Variants in SNAPC4 observed in about 807,000 individuals in gnomAD.
The protein encoded by SNAPC4 is snRNA-activating protein complex subunit 4.
In SNAPC4, 127 loss-of-function variants were observed where a neutral mutation model predicts 151.3. That is an observed-to-expected ratio of 0.84 (90% CI 0.73 to 0.97). The LOEUF (loss-of-function observed/expected upper bound fraction) is 0.97, where lower values mean the gene tolerates loss of function less well. SNAPC4 is among the 50% of genes least tolerant of loss of function. SNAPC4 has a pLI of 0.00. For missense variants in SNAPC4, 2,186 were observed against 1,935.0 expected, an observed-to-expected ratio of 1.13 and a Z score of -2.43; for synonymous variants, 1,002 against 824.4, an observed-to-expected ratio of 1.22 and a Z score of -3.69.
Position 136,379,057 on chromosome 9 carries a change from A to G in SNAPC4, c.2770T>C (p.Ser924Pro). 1 of 1,588,244 alleles carries G rather than the reference A, an allele frequency of 6.3e-7. No individual in the cohort carries two copies. The highest frequency in any genetic ancestry group is 8.6e-7 in the Non-Finnish European group (1 of 1,167,966). Reference protein sequence around the residue: ...PVVLPSQLLVSSSVILQPPLP... With the variant: ...PVVLPSQLLVPSSVILQPPLP... ...GGGGGCTGGAGGATCACAGACGAGG[A>G]GACCAGCAGCTGGGACGGGAGCACC... Residue 924 changes from serine to proline, a missense_variant, in exon 22 of 24, where the codon TCC becomes CCC. Physicochemically the swap from Ser to Pro is moderately conservative, Grantham distance 74 (BLOSUM62 -1). Coordinates refer to ENST00000684778, the MANE Select transcript of SNAPC4 (RefSeq NM_003086.4).
In SNAPC4 at chr9:136,395,432, G is replaced by A; in HGVS notation, c.346-9C>T. On this transcript the variant is annotated splice_polypyrimidine_tract_variant and intron_variant, in intron 4 of 23. Coordinates refer to ENST00000684778, the MANE Select transcript of SNAPC4 (RefSeq NM_003086.4). ...TCCCTCATGAGTTCCTCCTGTGACAGACACAAGGCAGGGACCCCTCTATGG... is the reference window on the plus strand; with the variant it reads ...TCCCTCATGAGTTCCTCCTGTGACAAACACAAGGCAGGGACCCCTCTATGG... 1 of 1,611,670 alleles carries A rather than the reference G, an allele frequency of 6.2e-7. No individual in the cohort carries two copies. Among genetic ancestry groups the A allele is most frequent in the Non-Finnish European group, 8.5e-7 (1 of 1,178,998 alleles).
At chr9:136,386,146 C>CTTTTTT (rs34717778) in intron 13 of SNAPC4, among the ~76,000 whole-genome samples, 1 of 145,338 alleles carries the variant, frequency 6.9e-6, no homozygotes. Flanking sequence ...AACACGGTGA[C>CTTTTTT]TTTTTTTTTT....
At position 136,377,680 on chromosome 9, in the gene SNAPC4, GGGCCAGGGT is replaced by G. The variant is rs756902384; in HGVS notation, c.4138_4146del (p.Thr1380_Ala1382del). On this transcript the variant is annotated inframe_deletion, in exon 22 of 24. Coordinates refer to ENST00000684778, the MANE Select transcript of SNAPC4 (RefSeq NM_003086.4). The stretch of plus-strand genomic sequence containing the variant: ...GAGAGGGTGGTGCGGACGCCTTGGG[GGGCCAGGGT>G]GGCCAGGAGCGCAGGGAGGGTGAAG... The G allele has an allele frequency of 7.5e-6, 12 of 1,607,790 alleles. No homozygotes were observed. The highest frequency in any genetic ancestry group is 3.4e-5 in the Admixed American group (2 of 59,694).
rs1449352822 is a variant in SNAPC4, at chr9:136,378,383, G to C, written c.3444C>G (p.Cys1148Trp). 2 of 1,610,828 alleles carry C rather than the reference G, an allele frequency of 1.2e-6. No homozygotes were observed. Among genetic ancestry groups the C allele is most frequent in the Non-Finnish European group, 1.7e-6 (2 of 1,179,568 alleles). Reference sequence around the variant, plus strand: ...TGGGAGGAGCTGGGGTGTCTGTCCTGCAGGAAGGCTCCGGTTCCCTGTTCA... The same window carrying C: ...TGGGAGGAGCTGGGGTGTCTGTCCTCCAGGAAGGCTCCGGTTCCCTGTTCA... The part of the protein sequence containing the change: ...ANMNREPEPS[C>W]RTDTPAPPTH... The change falls in exon 22 of 24, where the codon TGC (cysteine) becomes TGG (tryptophan). Residue 1148 changes from cysteine (C) to tryptophan (W), a missense_variant. Cys to Trp is a radical substitution (Grantham distance 215, BLOSUM62 -2). Transcript: ENST00000684778.
rs1229320014 is a variant in SNAPC4 at position 136,394,781 on chromosome 9, G to A, written c.550+19C>T. 3 of 1,611,884 alleles carry A rather than the reference G, an allele frequency of 1.9e-6. No individual in the cohort carries two copies. The highest frequency in any genetic ancestry group is 2.2e-5 in the South Asian group (2 of 91,022). ...TGTCCCAAGCTCAGGGGTGCCGCAG[G>A]GCCGGCCAGGGCTCTTACATTTGGT... On this transcript the variant is annotated intron_variant, in intron 6 of 23. Coordinates refer to ENST00000684778, the MANE Select transcript of SNAPC4 (RefSeq NM_003086.4).
intron 5 of SNAPC4, 59 bp from the exon 6 acceptor site, chr9:136,394,937 GCACAT>G: frequency 6.8e-7 from 1 of 1,480,278 alleles, no homozygotes; most frequent in Non-Finnish European, 9.4e-7. Flanking sequence ...TGCAGGCCCA[GCACAT>G]CCCTCCAGAG....
At chr9:136,384,135 G>T in intron 14 of SNAPC4, 103 bp from the exon 15 acceptor site, 1 of 883,338 alleles carries the variant, frequency 1.1e-6, no homozygotes, top group Non-Finnish European at 1.8e-6. Context: ...TCAGAGTGGA[G>T]CCTCCTGTGC....
chr9:136,382,145 A>C (rs1758480670), intron 17 of SNAPC4, 72 bp from the exon 18 acceptor site: 1 of 1,568,590 alleles, frequency 6.4e-7, no homozygotes, highest in Non-Finnish European at 8.7e-7. Context: ...CCCAGTGGCC[A>C]GTGCTGCCCT....
intron 16 of SNAPC4, among the ~76,000 whole-genome samples, chr9:136,382,875 GGGA>G (rs1833749529): frequency 6.6e-6 from 1 of 152,174 alleles, no homozygotes; most frequent in Non-Finnish European, 1.5e-5. Flanking sequence ...CTCACGAGGA[GGGA>G]GGAGGGGCTC....
At position 136,378,923 on chromosome 9, in the gene SNAPC4, G is replaced by A; in HGVS notation, c.2904C>T (p.Ser968=). ...TGGCTGAAGTCCCAGCCTCCTGCCAGGAGCCAGAAGTGCCAGGTTTGGCTG... is the reference window on the plus strand; with the variant it reads ...TGGCTGAAGTCCCAGCCTCCTGCCAAGAGCCAGAAGTGCCAGGTTTGGCTG... ...PAAAKPGTSG[S]WQEAGTSAKD... Residue 968 remains serine, a synonymous_variant, in exon 22 of 24, where the codon TCC becomes TCT. Coordinates refer to ENST00000684778, the MANE Select transcript of SNAPC4 (RefSeq NM_003086.4). 6.2e-7 allele frequency: 1 copy of A among 1,610,990 alleles called. No individual in the cohort carries two copies. The highest frequency in any genetic ancestry group is 8.5e-7 in the Non-Finnish European group (1 of 1,179,494).
At chr9:136,391,103 G>A (rs915493139) in intron 10 of SNAPC4, among the ~76,000 whole-genome samples, 1 of 152,090 alleles carries the variant, frequency 6.6e-6, no homozygotes, top group African/African-American at 2.4e-5. Flanking sequence ...CAAAGTGCTG[G>A]GATTACAGGG....
At chr9:136,377,235 G>A (rs987500037) in intron 22 of SNAPC4, among the ~76,000 whole-genome samples, 5 of 152,196 alleles carry the variant, frequency 3.3e-5, no homozygotes, top group Admixed American at 1.3e-4. Context: ...CCGGGTCAGC[G>A]TCCATCCCAG....
At chr9:136,385,397 G>A (rs989210733) in intron 13 of SNAPC4, among the ~76,000 whole-genome samples, 3 of 152,164 alleles carry the variant, frequency 2.0e-5, no homozygotes, top group Non-Finnish European at 2.9e-5. Context: ...TAAACACAGC[G>A]TTACCCGGAC....
intron 2 of SNAPC4, among the ~76,000 whole-genome samples, chr9:136,397,533 G>A (rs912436955): frequency 1.6e-4 from 23 of 145,960 alleles, no homozygotes; most frequent in African/African-American, 5.7e-4. Context: ...GAGCATGGAG[G>A]AGAGCATGTG....
chr9:136,387,948 CA>C, intron 11 of SNAPC4, 100 bp from the exon 12 acceptor site: 1 of 745,168 alleles, frequency 1.3e-6, no homozygotes, highest in Middle Eastern at 2.3e-4. Flanking sequence ...CCGAGACACC[CA>C]CCCTCCAGAT....
At position 136,388,431 on chromosome 9, in the gene SNAPC4, G is replaced by A. The variant is rs1009381109; in HGVS notation, c.1123+13C>T. ...GTGACAGCCTGAGAGCCGTCGGGGT[G>A]GAGGGGCCTCACTTCTGCGGTAGGG... is the stretch of plus-strand genomic sequence containing the variant. On this transcript the variant is annotated intron_variant, in intron 11 of 23. Transcript: ENST00000684778. 2.5e-6 allele frequency: 4 copies of A among 1,610,458 alleles called. No individual in the cohort carries two copies. The African/African-American group carries it at 4.0e-5, about 16-fold the overall frequency.
chr9:136,395,700 G>A lies in SNAPC4; in HGVS notation c.248C>T (p.Pro83Leu). The change falls in exon 4 of 24, where the codon CCA becomes CTA. Residue 83 changes from proline (P) to leucine (L), a missense_variant. Pro to Leu is a moderately conservative substitution (Grantham distance 98). Transcript: ENST00000684778. The stretch of plus-strand genomic sequence containing the variant: ...CATGTTCAGCTGCAGGCAGGTTTCT[G>A]GGTCTTCAGGGAGGGTTTTATCCTT... ...DPKDKTLPED[P>L]ETCLQLNMVY... is the part of the protein sequence containing the mutation. 6.2e-7 allele frequency: 1 copy of A among 1,613,510 alleles called. No homozygotes were observed. The highest frequency in any genetic ancestry group is 8.5e-7 in the Non-Finnish European group (1 of 1,179,992).
intron 7 of SNAPC4, 125 bp downstream of exon 7, chr9:136,394,123 GC>G: frequency 1.3e-6 from 1 of 786,064 alleles, no homozygotes; most frequent in Non-Finnish European, 2.3e-6. Context: ...TCACCATGTT[GC>G]CCAGGCTGGG....
rs770049261 is a variant in SNAPC4 at position 136,378,707 on chromosome 9, C to A, written c.3120G>T (p.Ala1040=). 1 of 1,496,722 alleles carries A rather than the reference C, an allele frequency of 6.7e-7. No individual in the cohort carries two copies. The highest frequency in any genetic ancestry group is 2.4e-5 in the East Asian group (1 of 42,116). The allele number at this position is 1,496,722 out of a possible 1,614,324, so 92.7% of individuals were successfully genotyped here. Residue 1040 remains alanine, a synonymous_variant, in exon 22 of 24, where the codon GCG becomes GCT. Transcript: ENST00000684778. The part of the protein sequence containing the change: ...AASRKQGLPE[A]PPFLPAAPSP... Reference sequence around the variant, plus strand: ...TGGGGGCTGCGGGGAGAAAGGGTGGCGCCTCAGGCAGGCCCTGCTTCCGGG... The same window carrying A: ...TGGGGGCTGCGGGGAGAAAGGGTGGAGCCTCAGGCAGGCCCTGCTTCCGGG...
Sources: gnomAD v4.1 joint callset for allele counts (sites outside exome capture counted in the v4.1 genomes callset) on GRCh38, gnomAD v4.1.1 for gene constraint, MANE v1.5 for transcripts, NCBI Gene and HGNC (gene_info 2026-07-23, HGNC 2026-07-21) for gene names.